The following TAF5L variants were observed in gnomAD, a reference collection of about 807,000 sequenced individuals.
The protein encoded by TAF5L is TATA-box binding protein associated factor 5 like, also known as TAF5-like RNA polymerase II p300/CBP-associated factor-associated factor 65 kDa subunit 5L.
In TAF5L, 7 loss-of-function variants were observed where a neutral mutation model predicts 51.3. That is an observed-to-expected ratio of 0.14 (90% CI 0.08 to 0.26). TAF5L has a LOEUF of 0.26. Among genes scored for constraint, TAF5L ranks in the 10% least tolerant of loss-of-function variants. The pLI, the probability that TAF5L is intolerant of heterozygous loss-of-function variation, is 1.00. For synonymous variants in TAF5L, 291 were observed against 308.1 expected, an observed-to-expected ratio of 0.94 and a Z score of 0.58; for missense variants, 575 against 758.9, an observed-to-expected ratio of 0.76 and a Z score of 2.85.
At chr1:229,611,264 TGA>T (rs1484464266) in intron 2 of TAF5L, among the ~76,000 whole-genome samples, 1 of 152,158 alleles carries the variant, frequency 6.6e-6, no homozygotes, top group Non-Finnish European at 1.5e-5. Flanking sequence ...CTCCAATCTG[TGA>T]GTTTATGCTT....
At chr1:229,620,000 G>A (rs1360226739) in intron 1 of TAF5L, among the ~76,000 whole-genome samples, 4 of 151,938 alleles carry the variant, frequency 2.6e-5, no homozygotes, top group Non-Finnish European at 5.9e-5. Context: ...CCGGCTTAAT[G>A]GTGCCACTAT....
Position 229,594,535 on chromosome 1 carries a change from T to G in TAF5L, c.1532A>C (p.Asp511Ala). 2 of 1,614,130 alleles carry G rather than the reference T, an allele frequency of 1.2e-6. No individual in the cohort carries two copies. Among genetic ancestry groups the G allele is most frequent in the Non-Finnish European group, 1.7e-6 (2 of 1,179,986 alleles). The stretch of plus-strand genomic sequence containing the variant: ...ACTGAAGGTGAGGCTGGTGATATTG[T>G]CTGTGTGGCCTCTCAACTCTTTATA... Residue 511 changes from aspartate to alanine, a missense_variant, in exon 5 of 5, where the codon GAC becomes GCC. Around this residue, in one of 3 missense-constraint regions of TAF5L, gnomAD observed 104 missense variants for 218.3 expected, o/e 0.48. Coordinates refer to ENST00000258281, the Ensembl canonical transcript of TAF5L. This position sits in a 1 kb window ranked among gnomAD's most constrained non-coding sequence, Gnocchi z 7.9.
At chr1:229,604,057 T>C (rs1339852653) in intron 3 of TAF5L, among the ~76,000 whole-genome samples, 1 of 152,224 alleles carries the variant, frequency 6.6e-6, no homozygotes, top group Non-Finnish European at 1.5e-5. Flanking sequence ...GTAATGAGTC[T>C]GGGTTTCATA....
At chr1:229,615,702 A>G (rs1017275971) in intron 1 of TAF5L, among the ~76,000 whole-genome samples, 9 of 152,168 alleles carry the variant, frequency 5.9e-5, no homozygotes, top group South Asian at 4.2e-4. Flanking sequence ...CCATGGCCTC[A>G]AACACTACTT....
chr1:229,600,042 T>C, intron 4 of TAF5L: 1 of 981,918 alleles, frequency 1.0e-6, no homozygotes, highest in Non-Finnish European at 1.2e-6. Flanking sequence ...TAAGAGTCTC[T>C]ATTTTATTTT....
intron 1 of TAF5L, among the ~76,000 whole-genome samples, chr1:229,618,576 G>A (rs1665089283): frequency 6.6e-6 from 1 of 152,166 alleles, no homozygotes; most frequent in African/African-American, 2.4e-5. Flanking sequence ...AATCCCACAT[G>A]ATCATTTCAA....
intron 1 of TAF5L, among the ~76,000 whole-genome samples, chr1:229,614,907 A>G (rs1664922414): frequency 6.6e-6 from 1 of 152,184 alleles, no homozygotes; most frequent in Non-Finnish European, 1.5e-5. Flanking sequence ...CTAGCCAAAA[A>G]AGCAGGCAGG....
chr1:229,594,265 T>G lies in TAF5L; in HGVS notation c.*32A>C, dbSNP rs1302050971. ...GATTGCAACTGGAGGCTTTCCACTG[T>G]TACCCCAGTCCGTTCCAACAAAGTT... is the stretch of plus-strand genomic sequence containing the variant. On this transcript the variant is annotated 3_prime_UTR_variant, in exon 5 of 5. Coordinates refer to ENST00000258281, the Ensembl canonical transcript of TAF5L. This position sits in a 1 kb window ranked among gnomAD's most constrained non-coding sequence, Gnocchi z 7.9. 2 of 1,577,076 alleles carry G rather than the reference T, an allele frequency of 1.3e-6. No individual in the cohort carries two copies. Among genetic ancestry groups the G allele is most frequent in the Admixed American group, 3.5e-5 (2 of 57,590 alleles).
intron 3 of TAF5L, chr1:229,606,396 C>T: frequency 2.0e-6 from 2 of 981,118 alleles, no homozygotes; most frequent in Non-Finnish European, 2.4e-6. Context: ...TATCTACCCA[C>T]TGAAATGTAA....
intron 1 of TAF5L, among the ~76,000 whole-genome samples, chr1:229,619,405 A>G (rs168347): frequency 6.6e-6 from 1 of 152,238 alleles, no homozygotes; most frequent in Non-Finnish European, 1.5e-5. Flanking sequence ...CTAAGAAATA[A>G]AATGGCACAT....
chr1:229,607,873 A>G (rs1014705431), intron 3 of TAF5L: 2 of 152,258 alleles, frequency 1.3e-5, no homozygotes, highest in African/African-American at 4.8e-5. Flanking sequence ...GCAGCAGTCC[A>G]AAGTGATCAA....
In TAF5L at chr1:229,594,186, G is replaced by A; in HGVS notation, c.*111C>T. Reference sequence around the variant, plus strand: ...CTGCCCGGAATGAGGGCCCAGGAGAGAGGGGAGGAGGGGGCTCTTTCACAG... The same window carrying A: ...CTGCCCGGAATGAGGGCCCAGGAGAAAGGGGAGGAGGGGGCTCTTTCACAG... On this transcript the variant is annotated 3_prime_UTR_variant, in exon 5 of 5. Transcript: ENST00000258281. The surrounding 1 kb of genome is among the most constrained non-coding windows in gnomAD (Gnocchi z 7.9). 8.0e-7 allele frequency: 1 copy of A among 1,248,964 alleles called. No homozygotes were observed. Among genetic ancestry groups the A allele is most frequent in the Non-Finnish European group, 1.1e-6 (1 of 908,106 alleles). 77.4% of individuals were successfully genotyped at this position (1,248,964 alleles called of 1,614,324 possible).
chr1:229,617,794 T>C (rs1213495977), intron 1 of TAF5L, among the ~76,000 whole-genome samples: 1 of 152,164 alleles, frequency 6.6e-6, no homozygotes, highest in Admixed American at 6.5e-5. Context: ...TAGAAACTAG[T>C]CTGTAATACT....
chr1:229,620,244 A>T (rs1415238387), intron 1 of TAF5L, among the ~76,000 whole-genome samples: 1 of 152,000 alleles, frequency 6.6e-6, no homozygotes, highest in Non-Finnish European at 1.5e-5. Flanking sequence ...CGCTCTCTTT[A>T]GAGAAGTGGT....
intron 4 of TAF5L, chr1:229,600,065 A>G (rs907985767): frequency 2.0e-6 from 2 of 976,668 alleles, no homozygotes; most frequent in Non-Finnish European, 2.4e-6. Context: ...TTAATATTCA[A>G]TATTTCATTT....
intron 1 of TAF5L, among the ~76,000 whole-genome samples, chr1:229,620,374 C>G (rs1411407554): frequency 6.6e-6 from 1 of 152,202 alleles, no homozygotes; most frequent in African/African-American, 2.4e-5. Context: ...AATCACTTCT[C>G]AACTGGACTA....
rs115601444 is a variant in TAF5L, at chr1:229,600,617, C to T, written c.972+1578G>A. The T allele has an allele frequency of 1.5e-3, 1,436 of 985,436 alleles. 11 individuals carry two copies. In the African/African-American group the frequency reaches 0.023, roughly 16 times the overall value. 61.0% of individuals were successfully genotyped at this position (985,436 alleles called of 1,614,324 possible). A position where few individuals can be genotyped will look rare whatever the true frequency, so the allele number is the denominator to read the frequency against. On this transcript the variant is annotated intron_variant, in intron 4 of 4. Transcript: ENST00000258281. ...CATAATTGCTCATATAAGACAGTGT[C>T]ACTACATCACTTCCTGTCTTGGCCC...
intron 3 of TAF5L, among the ~76,000 whole-genome samples, chr1:229,604,863 C>CTATATATATAAATATATATATATA (rs1664523310): frequency 1.3e-5 from 2 of 152,276 alleles, no homozygotes; most frequent in East Asian, 3.9e-4. Context: ...GTGTGAATAT[C>CTATATATATAAATATATATATATA]TATATATAGA....
intron 4 of TAF5L, among the ~76,000 whole-genome samples, chr1:229,597,585 C>G (rs1664173592): frequency 6.6e-6 from 1 of 152,192 alleles, no homozygotes; most frequent in South Asian, 2.1e-4. Flanking sequence ...TACAAGGGCC[C>G]AACGCCATGG....
Sources: gnomAD v4.1 joint callset for allele counts (sites outside exome capture counted in the v4.1 genomes callset) on GRCh38, gnomAD v4.1.1 for gene constraint, gnomAD v4.1.1 regional missense constraint, Gnocchi (gnomAD v3.1) non-coding constraint, MANE v1.5 for transcripts, NCBI Gene and HGNC (gene_info 2026-07-23, HGNC 2026-07-21) for gene names.